Variants in FAIM observed in about 807,000 individuals in gnomAD.
FAIM encodes Fas apoptotic inhibitory molecule, also known as fas apoptotic inhibitory molecule 1.
Under a neutral mutation model 21.2 loss-of-function variants are expected in FAIM, and 14 were observed. The observed-to-expected ratio is 0.66, with a 90% CI of 0.44 to 1.03. The LOEUF is 1.03. FAIM is among the 50% of genes least tolerant of loss of function. The pLI is 0.00. For synonymous variants in FAIM, 86 were observed against 80.4 expected (o/e 1.07, Z -0.37); for missense variants, 222 against 247.1 (o/e 0.90, Z 0.68).
chr3:138,617,629 G>T (rs1222171920), intron 1 of FAIM, among the ~76,000 whole-genome samples: 1 of 125,132 alleles, frequency 8.0e-6, no homozygotes, highest in Non-Finnish European at 1.6e-5. Flanking sequence ...ATCTATAATA[G>T]ATCTATATAT....
intron 3 of FAIM, 89 bp downstream of exon 3, chr3:138,621,628 C>CTT: frequency 8.4e-7 from 1 of 1,189,736 alleles, no homozygotes; most frequent in Admixed American, 2.7e-5. Flanking sequence ...GAATTCAGGG[C>CTT]TTTTTTTTCT....
At position 138,628,465 on chromosome 3, in the gene FAIM, T is replaced by TTTTATTTATTTA. The variant is rs58887564; in HGVS notation, c.407-618_407-607dup. On this transcript the variant is annotated intron_variant, in intron 4 of 5. Transcript: ENST00000360570. ...ACATTCATCTGTATGCATCCTTCTT[T>TTTTATTTATTTA]TTTATTTATTTATTTATTTATTTAT... Among the ~76,000 whole-genome samples, 337 of 149,186 alleles carry TTTTATTTATTTA rather than the reference T, an allele frequency of 2.3e-3. 3 individuals carry two copies. The highest frequency in any genetic ancestry group is 8.2e-3 in the African/African-American group (328 of 39,784).
intron 2 of FAIM, among the ~76,000 whole-genome samples, chr3:138,620,068 T>C (rs1176561752): frequency 6.6e-6 from 1 of 152,198 alleles, no homozygotes; most frequent in Non-Finnish European, 1.5e-5. Flanking sequence ...ATCTTCAGTT[T>C]AGAGCGTACA....
intron 4 of FAIM, among the ~76,000 whole-genome samples, chr3:138,626,307 A>C (rs2108352386): frequency 6.6e-6 from 1 of 152,330 alleles, no homozygotes; most frequent in Non-Finnish European, 1.5e-5. Flanking sequence ...AAGATTCAGA[A>C]ATCAAAATGC....
At chr3:138,612,303 G>A (rs940204128) in intron 1 of FAIM, among the ~76,000 whole-genome samples, 1 of 151,842 alleles carries the variant, frequency 6.6e-6, no homozygotes, top group Non-Finnish European at 1.5e-5. Flanking sequence ...GGGTTTCACC[G>A]TGTTAGCCAG....
intron 4 of FAIM, among the ~76,000 whole-genome samples, chr3:138,628,630 A>T (rs142044939): frequency 3.3e-5 from 5 of 151,954 alleles, no homozygotes; most frequent in East Asian, 3.9e-4. Flanking sequence ...GACTACAGGC[A>T]CCCACCACCA....
chr3:138,610,822 A>G, intron 1 of FAIM: 1 of 698,526 alleles, frequency 1.4e-6, no homozygotes, highest in Non-Finnish European at 2.5e-6. Context: ...ACCTCAAGTG[A>G]TCCGACCGCC....
In FAIM at chr3:138,622,195, T is replaced by G. The variant is rs1560497102; in HGVS notation, c.185T>G (p.Ile62Arg). 1.2e-6 allele frequency: 2 copies of G among 1,602,256 alleles called. No individual in the cohort carries two copies. The highest frequency in any genetic ancestry group is 3.5e-5 in the Admixed American group (2 of 57,102). ...RVVYVDGKEE[I>R]RKEWMFKLVG... ...TTCTGTTTTATTATGTAGGAAGAGA[T>G]AAGAAAAGAGTGGATGTTCAAATTA... is the stretch of plus-strand genomic sequence containing the variant. The change falls in exon 4 of 6, where the codon ATA becomes AGA. Residue 62 changes from isoleucine to arginine, a missense_variant. Ile to Arg is a moderately conservative substitution (Grantham distance 97, BLOSUM62 -3). Coordinates refer to ENST00000360570, the MANE Select transcript of FAIM (RefSeq NM_001033031.2).
chr3:138,612,680 T>G (rs562719358), intron 1 of FAIM, among the ~76,000 whole-genome samples: 73 of 152,302 alleles, frequency 4.8e-4, no homozygotes, highest in African/African-American at 1.7e-3. Flanking sequence ...ATTTCAAAAC[T>G]TTTTGAGTGC....
intron 5 of FAIM, chr3:138,630,277 G>T (rs747295665): frequency 2.6e-5 from 4 of 152,122 alleles, no homozygotes; most frequent in Non-Finnish European, 4.4e-5. Context: ...GAACCTACTT[G>T]GTCTGATAGC....
chr3:138,632,333 C>G (rs578013370), intron 5 of FAIM, among the ~76,000 whole-genome samples: 2 of 151,426 alleles, frequency 1.3e-5, no homozygotes, highest in African/African-American at 4.9e-5. Flanking sequence ...CTTCTAAATC[C>G]AGTGTCTATT....
At chr3:138,611,047 C>G (rs1452554140) in intron 1 of FAIM, 1 of 1,600,732 alleles carries the variant, frequency 6.2e-7, no homozygotes, top group Admixed American at 1.7e-5. Context: ...GGTTAGTGCC[C>G]TGCCCAGAGC....
At position 138,613,400 on chromosome 3, in the gene FAIM, AT is replaced by A. The variant is rs542542763; in HGVS notation, c.-17+4464del. 6.8e-3 allele frequency among the ~76,000 whole-genome samples: 1,042 copies of A among 152,294 alleles called. 12 individuals carry two copies. Among genetic ancestry groups the A allele is most frequent in the African/African-American group, 0.024 (1,010 of 41,554 alleles). ...TATATATTCAGAATATGAAACCTCT[AT>A]CAGATATATGATTTCCAAATATTTT... On this transcript the variant is annotated intron_variant, in intron 1 of 5. Transcript: ENST00000360570.
chr3:138,617,598 A>G (rs2042839112), intron 1 of FAIM, among the ~76,000 whole-genome samples: 1 of 144,254 alleles, frequency 6.9e-6, no homozygotes, highest in Non-Finnish European at 1.5e-5. Context: ...ATGTAATTAT[A>G]CTATCTTATA....
intron 1 of FAIM, 170 bp downstream of exon 1, chr3:138,609,107 G>C (rs998237516): frequency 1.9e-4 from 29 of 152,858 alleles, no homozygotes; most frequent in Non-Finnish European, 1.4e-5. Flanking sequence ...GGCGGGCGGT[G>C]TTTGCGCGGT....
At chr3:138,626,485 T>C (rs1442554141) in intron 4 of FAIM, among the ~76,000 whole-genome samples, 2 of 152,226 alleles carry the variant, frequency 1.3e-5, no homozygotes, top group Non-Finnish European at 2.9e-5. Flanking sequence ...TATTCACTTA[T>C]TATATTCCGA....
At chr3:138,628,526 C>A (rs2042965338) in intron 4 of FAIM, among the ~76,000 whole-genome samples, 1 of 150,556 alleles carries the variant, frequency 6.6e-6, no homozygotes, top group Non-Finnish European at 1.5e-5. Context: ...TCTCTGTTGC[C>A]CAGGCTAGAG....
chr3:138,621,189 C>A (rs141034231), intron 2 of FAIM: 8 of 504,050 alleles, frequency 1.6e-5, no homozygotes, highest in African/African-American at 2.0e-5. Flanking sequence ...TAGAAGTAAT[C>A]GGACTATGTA....
chr3:138,613,724 A>G (rs982661561), intron 1 of FAIM, among the ~76,000 whole-genome samples: 9 of 152,030 alleles, frequency 5.9e-5, no homozygotes, highest in South Asian at 2.1e-4. Context: ...GGCTCAAGCA[A>G]TCCTCCCACC....
Sources: allele counts gnomAD v4.1 joint callset (sites outside exome capture counted in the v4.1 genomes callset), GRCh38; gene constraint gnomAD v4.1.1; transcripts MANE v1.5; gene names NCBI Gene and HGNC (gene_info 2026-07-23, HGNC 2026-07-21).